ANKFN1: variants seen among roughly 807,000 people sequenced by gnomAD.
The protein encoded by ANKFN1 is ankyrin repeat and fibronectin type III domain containing 1, also known as ankyrin repeat and fibronectin type-III domain-containing protein 1.
ANKFN1 carries 74 observed loss-of-function variants against 108.7 expected under a neutral mutation model. That is an observed-to-expected ratio of 0.68 (90% CI 0.56 to 0.83). The LOEUF is 0.83. Among genes scored for constraint, ANKFN1 ranks in the 40% least tolerant of loss-of-function variants. The probability of loss-of-function intolerance (pLI) is 0.00; values close to 1 mark genes in which losing one functional copy is unlikely to be tolerated. For synonymous variants in ANKFN1, 547 were observed against 516.2 expected, an observed-to-expected ratio of 1.06 and a Z score of -0.81; for missense variants, 1,505 against 1,382.3, an observed-to-expected ratio of 1.09 and a Z score of -1.41.
At chr17:56,325,039 A>G (rs2045477898) in intron 3 of ANKFN1, among the ~76,000 whole-genome samples, 1 of 152,156 alleles carries the variant, frequency 6.6e-6, no homozygotes, top group Non-Finnish European at 1.5e-5. Flanking sequence ...TTAACTCTCC[A>G]CCCTCTTGTT....
intron 1 of ANKFN1, among the ~76,000 whole-genome samples, chr17:56,177,841 T>C (rs1215209256): frequency 1.3e-5 from 2 of 152,172 alleles, no homozygotes; most frequent in Non-Finnish European, 2.9e-5. Flanking sequence ...TTTGTTTTTG[T>C]GAGATCCTGG....
chr17:56,374,760 A>G, intron 8 of ANKFN1, 46 bp downstream of exon 8: 1 of 1,451,816 alleles, frequency 6.9e-7, no homozygotes, highest in Non-Finnish European at 9.6e-7. Context: ...TTAAAAAAGC[A>G]TCTGCTGTTT....
At chr17:56,123,462 C>T (rs1906740241) in intron 4 of ANKFN1, among the ~76,000 whole-genome samples, 2 of 152,184 alleles carry the variant, frequency 1.3e-5, no homozygotes, top group Admixed American at 6.5e-5. Flanking sequence ...TGCTCTGTGA[C>T]CTGTGTGACC....
intron 17 of ANKFN1, among the ~76,000 whole-genome samples, chr17:56,482,011 C>T (rs1159564402): frequency 6.6e-6 from 1 of 152,024 alleles, no homozygotes; most frequent in African/African-American, 2.4e-5. Flanking sequence ...ACGTTTTTCC[C>T]CCTTAACCAA....
At chr17:56,235,311 T>A (rs946164502) in intron 3 of ANKFN1, among the ~76,000 whole-genome samples, 2 of 152,168 alleles carry the variant, frequency 1.3e-5, no homozygotes, top group African/African-American at 4.8e-5. Context: ...ATTGTCTGTT[T>A]ATTCTGTTCA....
chr17:56,494,807 C>T (rs1330456935), intron 19 of ANKFN1, among the ~76,000 whole-genome samples: 1 of 152,106 alleles, frequency 6.6e-6, no homozygotes, highest in African/African-American at 2.4e-5. Flanking sequence ...GGTTCTGTTT[C>T]TGCCTTATTC....
intron 4 of ANKFN1, among the ~76,000 whole-genome samples, chr17:56,103,861 G>A (rs1035805483): frequency 2.6e-5 from 4 of 152,218 alleles, no homozygotes; most frequent in Non-Finnish European, 5.9e-5. Flanking sequence ...AATTGACAAA[G>A]TGATATTTGA....
chr17:56,374,704 C>T lies in ANKFN1; in HGVS notation c.900C>T (p.Thr300=). The change falls in exon 8 of 21, where the codon ACC becomes ACT. Residue 300 remains threonine (T), a synonymous_variant. Coordinates refer to ENST00000682825, the MANE Select transcript of ANKFN1 (RefSeq NM_001370326.1). ...TTAGCGTCAATGCAGCTGTAGTAACCAGGTATAAAGGTACTGGACCCAAGA... is the reference window on the plus strand; with the variant it reads ...TTAGCGTCAATGCAGCTGTAGTAACTAGGTATAAAGGTACTGGACCCAAGA... ...EPLSVNAAVV[T]RYKVEWSMSE... The T allele has an allele frequency of 6.2e-7, 1 of 1,612,692 alleles. No individual in the cohort carries two copies. The highest frequency in any genetic ancestry group is 8.5e-7 in the Non-Finnish European group (1 of 1,178,812).
chr17:56,281,741 G>A (rs1202565844), intron 3 of ANKFN1, among the ~76,000 whole-genome samples: 1 of 152,106 alleles, frequency 6.6e-6, no homozygotes, highest in Non-Finnish European at 1.5e-5. Context: ...CATTTTTTAA[G>A]TGCTGAAATT....
At chr17:56,478,169 G>A (rs1404879515) in intron 16 of ANKFN1, among the ~76,000 whole-genome samples, 1 of 152,110 alleles carries the variant, frequency 6.6e-6, no homozygotes, top group East Asian at 1.9e-4. Flanking sequence ...CTTGCCTGAT[G>A]GTTGGTGGAA....
intron 3 of ANKFN1, among the ~76,000 whole-genome samples, chr17:56,252,036 T>C (rs2144062701): frequency 6.6e-6 from 1 of 152,322 alleles, no homozygotes; most frequent in Non-Finnish European, 1.5e-5. Flanking sequence ...CAGATATTTA[T>C]TTGTGAATTA....
intron 3 of ANKFN1, among the ~76,000 whole-genome samples, chr17:56,258,552 C>T (rs771783681): frequency 1.2e-4 from 18 of 152,036 alleles, no homozygotes; most frequent in South Asian, 8.3e-4. Flanking sequence ...CTGGTAGAGA[C>T]GCAATACTTC....
intron 8 of ANKFN1, among the ~76,000 whole-genome samples, chr17:56,406,767 G>T (rs374681167): frequency 6.6e-6 from 1 of 152,170 alleles, no homozygotes; most frequent in South Asian, 2.1e-4. Context: ...AAGTTATAGA[G>T]TTAGAGTGAG....
At chr17:56,268,618 T>A (rs1050067102) in intron 3 of ANKFN1, among the ~76,000 whole-genome samples, 1 of 151,790 alleles carries the variant, frequency 6.6e-6, no homozygotes, top group African/African-American at 2.4e-5. Context: ...CAAAAACCCA[T>A]ACAAAAGACT....
At chr17:56,433,655 C>T (rs1365125943) in intron 8 of ANKFN1, among the ~76,000 whole-genome samples, 5 of 152,050 alleles carry the variant, frequency 3.3e-5, no homozygotes, top group Admixed American at 2.0e-4. Flanking sequence ...AAGAATGACA[C>T]GATGGACTTT....
intron 1 of ANKFN1, among the ~76,000 whole-genome samples, chr17:56,204,864 A>C (rs1236129099): frequency 6.6e-6 from 1 of 151,996 alleles, no homozygotes; most frequent in Non-Finnish European, 1.5e-5. Context: ...TCACGAGGTC[A>C]GGAGATCGAG....
At chr17:56,179,332 T>C (rs1158269032) in intron 1 of ANKFN1, among the ~76,000 whole-genome samples, 2 of 152,212 alleles carry the variant, frequency 1.3e-5, no homozygotes, top group African/African-American at 4.8e-5. Flanking sequence ...TCCTGTGTTT[T>C]CTTAGCCAGG....
At chr17:56,101,960 T>G (rs549970669) in intron 4 of ANKFN1, among the ~76,000 whole-genome samples, 1 of 152,340 alleles carries the variant, frequency 6.6e-6, no homozygotes, top group African/African-American at 2.4e-5. Context: ...AAGCAATTAG[T>G]TATGTCGATT....
chr17:56,174,256 C>G (rs1234312016), intron 1 of ANKFN1: 10 of 985,448 alleles, frequency 1.0e-5, no homozygotes, highest in African/African-American at 1.7e-5. Context: ...TGAGCCCACT[C>G]AGCCCTCCAG....
Sources: gnomAD v4.1 joint callset for allele counts (sites outside exome capture counted in the v4.1 genomes callset) on GRCh38, gnomAD v4.1.1 for gene constraint, MANE v1.5 for transcripts, NCBI Gene and HGNC (gene_info 2026-07-23, HGNC 2026-07-21) for gene names.